Variants in ATP11B observed in about 807,000 individuals in gnomAD.
The protein encoded by ATP11B is ATPase phospholipid transporting 11B (putative), also known as phospholipid-transporting ATPase IF.
In ATP11B, 81 loss-of-function variants were observed where a neutral mutation model predicts 157.8. That is an observed-to-expected ratio of 0.51 (90% CI 0.43 to 0.62). The LOEUF is 0.62. ATP11B is among the 20% of genes least tolerant of loss of function. The pLI is 0.00. For missense variants in ATP11B, 1,165 were observed against 1,402.2 expected (o/e 0.83, Z 2.70); for synonymous variants, 451 against 469.4 (o/e 0.96, Z 0.51).
intron 12 of ATP11B, 113 bp from the exon 13 acceptor site, chr3:182,865,343 C>G (rs1391008765): frequency 1.0e-6 from 1 of 952,498 alleles, no homozygotes; most frequent in Non-Finnish European, 1.6e-6. Context: ...ATCCATATAT[C>G]AATATTAATA....
At chr3:182,825,438 G>T (rs950668892) in intron 2 of ATP11B, among the ~76,000 whole-genome samples, 12 of 151,974 alleles carry the variant, frequency 7.9e-5, no homozygotes, top group Admixed American at 7.2e-4. Context: ...ACTTTCTTTG[G>T]CCATGTGTAG....
At chr3:182,822,890 G>T (rs1576973219) in intron 2 of ATP11B, among the ~76,000 whole-genome samples, 1 of 152,174 alleles carries the variant, frequency 6.6e-6, no homozygotes, top group Non-Finnish European at 1.5e-5. Flanking sequence ...ATTTTTTCAT[G>T]TGTATTTTGG....
At chr3:182,865,158 A>G (rs552434211) in intron 12 of ATP11B, among the ~76,000 whole-genome samples, 1 of 152,214 alleles carries the variant, frequency 6.6e-6, no homozygotes, top group Non-Finnish European at 1.5e-5. Context: ...ACCTTAGCCA[A>G]GAAAAAGAAA....
intron 9 of ATP11B, among the ~76,000 whole-genome samples, chr3:182,847,392 A>G (rs940691314): frequency 4.6e-5 from 7 of 152,220 alleles, no homozygotes; most frequent in Non-Finnish European, 8.8e-5. Context: ...AAAGTAAACC[A>G]TAATGAATGG....
chr3:182,899,804 CTATT>C (rs1723826424), intron 28 of ATP11B, among the ~76,000 whole-genome samples: 1 of 152,122 alleles, frequency 6.6e-6, no homozygotes, highest in Admixed American at 6.5e-5. Context: ...AGGATAGTAG[CTATT>C]TAGTTGACTG....
At chr3:182,916,056 C>G (rs1207303030) in intron 29 of ATP11B, 63 of 985,074 alleles carry the variant, frequency 6.4e-5, no homozygotes, top group Non-Finnish European at 7.0e-5. Flanking sequence ...GGGATAAAGT[C>G]ATATAATAAC....
At position 182,802,195 on chromosome 3, in the gene ATP11B, T is replaced by G. The variant is rs866738828; in HGVS notation, c.27+8409T>G. Among the ~76,000 whole-genome samples the G allele has an allele frequency of 8.5e-5, 13 of 152,330 alleles. No individual in the cohort carries two copies. In the South Asian group the frequency reaches 1.7e-3, roughly 19 times the overall value. ...TCCAGAACCATTTCTCTCGTCTTTC[T>G]CTGCCACCACCCTCAACTAAACTAC... On this transcript the variant is annotated intron_variant, in intron 1 of 29. Coordinates refer to ENST00000323116, the MANE Select transcript of ATP11B (RefSeq NM_014616.3).
intron 2 of ATP11B, among the ~76,000 whole-genome samples, chr3:182,823,473 T>C (rs1484627292): frequency 2.6e-5 from 4 of 152,102 alleles, no homozygotes; most frequent in Admixed American, 1.3e-4. Flanking sequence ...CATTGGTCTA[T>C]ATATCTGTTT....
At chr3:182,838,788 T>C (rs1452724652) in intron 7 of ATP11B, among the ~76,000 whole-genome samples, 2 of 145,654 alleles carry the variant, frequency 1.4e-5, no homozygotes, top group Non-Finnish European at 3.0e-5. Flanking sequence ...CTATATATTA[T>C]ATATATATAT....
At chr3:182,848,277 A>T (rs900902984) in intron 9 of ATP11B, among the ~76,000 whole-genome samples, 199 bp from the exon 10 acceptor site, 1 of 152,156 alleles carries the variant, frequency 6.6e-6, no homozygotes, top group African/African-American at 2.4e-5. Flanking sequence ...GCCCTCCCCC[A>T]TTTAGCCAGT....
At chr3:182,822,641 G>A (rs1191930221) in intron 2 of ATP11B, among the ~76,000 whole-genome samples, 1 of 152,218 alleles carries the variant, frequency 6.6e-6, no homozygotes, top group East Asian at 1.9e-4. Context: ...CCAGTAATGG[G>A]ATGGCTGGGT....
intron 1 of ATP11B, among the ~76,000 whole-genome samples, chr3:182,817,396 A>T (rs1488986551): frequency 6.6e-6 from 1 of 151,610 alleles, no homozygotes; most frequent in Non-Finnish European, 1.5e-5. Context: ...TTCCCCTGCC[A>T]CAGCCTCCCA....
In ATP11B at chr3:182,921,379, A is replaced by AT. The variant is rs1560144859; in HGVS notation, c.*3276dup. ...GTGAAATAACTTGAATGTTGTTCCT[A>AT]TAAAAAATAGATCATAACTCATGAT... is the stretch of plus-strand genomic sequence containing the variant. On this transcript the variant is annotated 3_prime_UTR_variant, in exon 30 of 30. Transcript: ENST00000323116. 1 of 152,228 alleles carries AT rather than the reference A, an allele frequency of 6.6e-6. No individual in the cohort carries two copies. Among genetic ancestry groups the AT allele is most frequent in the East Asian group, 1.9e-4 (1 of 5,200 alleles). 9.4% of individuals were successfully genotyped at this position (152,228 alleles called of 1,614,324 possible).
At chr3:182,859,041 C>A in intron 11 of ATP11B, 121 bp from the exon 12 acceptor site, 1 of 594,720 alleles carries the variant, frequency 1.7e-6, no homozygotes, top group Non-Finnish European at 2.9e-6. Context: ...TGAGACTATT[C>A]TACCTCAGAA....
At position 182,916,042 on chromosome 3, in the gene ATP11B, C is replaced by T. The variant is rs1272779528; in HGVS notation, c.3453-1981C>T. ...TCTTTTCAGACCTGTTCATTCTTTT[C>T]TAGGGGATAAAGTCATATAATAACA... On this transcript the variant is annotated intron_variant, in intron 29 of 29. Transcript: ENST00000323116. 4.1e-6 allele frequency: 4 copies of T among 984,990 alleles called. No individual in the cohort carries two copies. In the African/African-American group the frequency reaches 7.0e-5, roughly 17 times the overall value. The allele number at this position is 984,990 out of a possible 1,614,324, so 61.0% of individuals were successfully genotyped here.
In ATP11B at chr3:182,917,246, C is replaced by A. The variant is rs1725201667; in HGVS notation, c.3453-777C>A. On this transcript the variant is annotated intron_variant, in intron 29 of 29. Transcript: ENST00000323116. The stretch of plus-strand genomic sequence containing the variant: ...ATTTATTGTTAAATGTGTTTAGTCT[C>A]ATAAGAAAAGCAGTCTTTCACTTGG... The A allele has an allele frequency of 8.1e-6, 8 of 985,304 alleles. No individual in the cohort carries two copies. The South Asian group carries it at 3.8e-4, about 46-fold the overall frequency. The allele number at this position is 985,304 out of a possible 1,614,324, so 61.0% of individuals were successfully genotyped here.
intron 10 of ATP11B, among the ~76,000 whole-genome samples, chr3:182,856,255 A>C (rs1720393998): frequency 6.6e-6 from 1 of 152,220 alleles, no homozygotes; most frequent in Non-Finnish European, 1.5e-5. Context: ...TACACAGTAA[A>C]AAAATTAGGT....
chr3:182,801,757 AATTTT>A (rs1374523518), intron 1 of ATP11B, among the ~76,000 whole-genome samples: 2 of 152,170 alleles, frequency 1.3e-5, no homozygotes, highest in African/African-American at 4.8e-5. Context: ...CAAGTGTAGA[AATTTT>A]ATTTTATGTC....
chr3:182,891,859 C>T (rs561201265), intron 25 of ATP11B, among the ~76,000 whole-genome samples: 1 of 152,240 alleles, frequency 6.6e-6, no homozygotes, highest in African/African-American at 2.4e-5. Flanking sequence ...ATGAGTTAAC[C>T]TCTCTCAGAC....
Sources: gnomAD v4.1 joint callset for allele counts (sites outside exome capture counted in the v4.1 genomes callset) on GRCh38, gnomAD v4.1.1 for gene constraint, MANE v1.5 for transcripts, NCBI Gene and HGNC (gene_info 2026-07-23, HGNC 2026-07-21) for gene names.